CD8A: variants seen among roughly 807,000 people sequenced by gnomAD.
CD8A encodes CD8 subunit alpha, also known as T-cell surface glycoprotein CD8 alpha chain.
In CD8A, 25 loss-of-function variants were observed where a neutral mutation model predicts 24.2. The ratio of observed to expected loss-of-function variants is 1.03; its 90% CI spans 0.75 to 1.44. CD8A has a LOEUF of 1.44. Ranked by LOEUF, CD8A falls within the 40% of genes most tolerant of loss-of-function variation. The pLI is 0.00. For missense variants in CD8A, 360 were observed against 319.7 expected (o/e 1.13, Z -0.96); for synonymous variants, 165 against 149.9 (o/e 1.10, Z -0.74).
At chr2:86,795,127 C>A (rs1673439604), upstream of CD8A, among the ~76,000 whole-genome samples, 1 of 152,316 alleles carries the variant, frequency 6.6e-6, no homozygotes, top group East Asian at 1.9e-4. Context: ...GCTTGACAAC[C>A]AAACCCTTGG....
upstream of CD8A, chr2:86,790,987 G>C (rs903849626): frequency 2.6e-6 from 2 of 777,104 alleles, no homozygotes; most frequent in East Asian, 2.7e-5. Context: ...CCGCCGAGGA[G>C]AGTCACCCTC....
chr2:86,793,214 G>A (rs1443029965), upstream of CD8A, among the ~76,000 whole-genome samples: 5 of 152,136 alleles, frequency 3.3e-5, no homozygotes, highest in East Asian at 9.7e-4. Context: ...TTATATATGG[G>A]TGTTCCATAA....
intron 5 of CD8A, among the ~76,000 whole-genome samples, chr2:86,787,647 C>T (rs766006716): frequency 5.3e-5 from 8 of 152,132 alleles, no homozygotes; most frequent in African/African-American, 9.7e-5. Flanking sequence ...ATCTATAAAG[C>T]AAGTAACGTG....
chr2:86,806,306 G>A (rs1159058819), intron 2 of CD8A, among the ~76,000 whole-genome samples: 3 of 152,192 alleles, frequency 2.0e-5, no homozygotes, highest in Non-Finnish European at 4.4e-5. Flanking sequence ...AGGGCTGGGC[G>A]AAGGCTCTGA....
At position 86,785,667 on chromosome 2, in the gene CD8A, C is replaced by G. The variant is rs936402508; in HGVS notation, c.*253G>C. 12 of 672,072 alleles carry G rather than the reference C, an allele frequency of 1.8e-5. No individual in the cohort carries two copies. Among genetic ancestry groups the G allele is most frequent in the East Asian group, 1.1e-4 (4 of 35,088 alleles). 41.6% of individuals were successfully genotyped at this position (672,072 alleles called of 1,614,324 possible). ...GAACTCTGCGGGTAGCTCTGGCCTG[C>G]CCCTTTCCACGCCCTACCGCGATGT... On this transcript the variant is annotated 3_prime_UTR_variant, in exon 6 of 6. Transcript: ENST00000283635.
At position 86,790,589 on chromosome 2, in the gene CD8A, A is replaced by G; in HGVS notation, c.142T>C (p.Ser48Pro). 1 of 1,611,698 alleles carries G rather than the reference A, an allele frequency of 6.2e-7. No homozygotes were observed. The highest frequency in any genetic ancestry group is 8.5e-7 in the Non-Finnish European group (1 of 1,179,778). The change falls in exon 2 of 6, where the codon TCC becomes CCC. Residue 48 changes from serine (S) to proline (P), a missense_variant. By Grantham distance (74) the Ser-to-Pro change is moderately conservative. Transcript: ENST00000283635. ...TVELKCQVLLSNPTSGCSWLF... is the reference protein window; with the variant it reads ...TVELKCQVLLPNPTSGCSWLF... ...CACGAGCAGCCCGACGTCGGGTTGG[A>G]CAGCAGCACCTGGCACTTCAGCTCC...
At chr2:86,787,900 T>A (rs3138643) in intron 5 of CD8A, among the ~76,000 whole-genome samples, 12,668 of 45,176 alleles carry the variant, frequency 0.28, 1,171 homozygotes, top group African/African-American at 0.48. Flanking sequence ...AGAGAGAGAG[T>A]GTGTGTGTGT....
chr2:86,799,742 C>T (rs555676374), intron 3 of CD8A, among the ~76,000 whole-genome samples: 391 of 149,384 alleles, frequency 2.6e-3, no homozygotes, highest in Non-Finnish European at 4.6e-3. Context: ...GGCGACAGAG[C>T]GAGACTCTGT....
chr2:86,785,078 T>C lies in CD8A; in HGVS notation c.*842A>G. The stretch of plus-strand genomic sequence containing the variant: ...CAAGAGGGCCTTAGTTTAACCTCAC[T>C]GATGCTCAAATTCTATTTGTAAAGG... On this transcript the variant is annotated 3_prime_UTR_variant, in exon 6 of 6. Transcript: ENST00000283635. The C allele has an allele frequency of 2.2e-6, 1 of 454,114 alleles. No homozygotes were observed. The allele number at this position is 454,114 out of a possible 1,614,324, so 28.1% of individuals were successfully genotyped here.
intron 3 of CD8A, among the ~76,000 whole-genome samples, chr2:86,801,207 C>A (rs576839153): frequency 3.3e-5 from 5 of 152,316 alleles, no homozygotes; most frequent in East Asian, 3.9e-4. Flanking sequence ...ACAGCCCTGG[C>A]AAACTAATAC....
rs761503671 is a variant in CD8A at position 86,785,888 on chromosome 2, GT to G, written c.*31del. On this transcript the variant is annotated 3_prime_UTR_variant, in exon 6 of 6. Coordinates refer to ENST00000283635, the MANE Select transcript of CD8A (RefSeq NM_001768.7). ...TGCTCCCTCAAAAGGAAGGATCTCA[GT>G]TTGAAGTAATGTAGTGGCTGTTGCA... 202 of 1,536,968 alleles carry G rather than the reference GT, an allele frequency of 1.3e-4. No individual in the cohort carries two copies. In the African/African-American group the frequency reaches 2.6e-3, roughly 20 times the overall value.
At chr2:86,800,485 A>G (rs1673635328) in intron 3 of CD8A, among the ~76,000 whole-genome samples, 1 of 152,048 alleles carries the variant, frequency 6.6e-6, no homozygotes, top group South Asian at 2.1e-4. Flanking sequence ...TAAAAACATT[A>G]TATCACAATA....
intron 2 of CD8A, chr2:86,801,743 C>T (rs1291504034): frequency 3.3e-5 from 5 of 152,106 alleles, no homozygotes; most frequent in Non-Finnish European, 5.9e-5. Flanking sequence ...GACAAAATTT[C>T]TCAGTACTTA....
intron 5 of CD8A, 126 bp downstream of exon 5, chr2:86,788,404 C>G: frequency 1.3e-6 from 1 of 788,228 alleles, no homozygotes; most frequent in Non-Finnish European, 2.2e-6. Context: ...TGGCTGACTC[C>G]CTGCCCCAGG....
intron 5 of CD8A, among the ~76,000 whole-genome samples, chr2:86,786,233 T>C (rs1672991705): frequency 6.6e-6 from 1 of 152,176 alleles, no homozygotes; most frequent in Non-Finnish European, 1.5e-5. Flanking sequence ...GTCACACATC[T>C]AGGAGGTGGC....
chr2:86,806,596 T>G (rs547222469), intron 2 of CD8A, among the ~76,000 whole-genome samples: 8 of 152,334 alleles, frequency 5.3e-5, no homozygotes, highest in African/African-American at 1.7e-4. Context: ...CAACTGCCCT[T>G]TGGGCGGGGC....
intron 3 of CD8A, among the ~76,000 whole-genome samples, chr2:86,800,663 C>T (rs986015676): frequency 6.6e-6 from 1 of 152,020 alleles, no homozygotes; most frequent in African/African-American, 2.4e-5. Flanking sequence ...TTCCAAAACC[C>T]AAGAAAGTGA....
upstream of CD8A, chr2:86,791,027 C>T (rs1673284469): frequency 1.1e-5 from 8 of 720,872 alleles, no homozygotes; most frequent in Admixed American, 4.0e-5. Flanking sequence ...TCCAGCCCGG[C>T]GAGGAGGCTG....
At chr2:86,787,755 G>A (rs571332014) in intron 5 of CD8A, among the ~76,000 whole-genome samples, 17 of 152,308 alleles carry the variant, frequency 1.1e-4, no homozygotes, top group Admixed American at 5.9e-4. Context: ...ATGGCACAAA[G>A]TTGCTGTGAG....
Sources: gnomAD v4.1 joint callset for allele counts (sites outside exome capture counted in the v4.1 genomes callset) on GRCh38, gnomAD v4.1.1 for gene constraint, MANE v1.5 for transcripts, NCBI Gene and HGNC (gene_info 2026-07-23, HGNC 2026-07-21) for gene names.